The following CORO1C variants were observed in gnomAD, a reference collection of about 807,000 sequenced individuals.
The protein encoded by CORO1C is coronin 1C.
In CORO1C, 14 loss-of-function variants were observed where a neutral mutation model predicts 51.2. The observed-to-expected ratio is 0.27, with a 90% CI of 0.18 to 0.43. The LOEUF (loss-of-function observed/expected upper bound fraction) is 0.43, where lower values mean the gene tolerates loss of function less well. Among genes scored for constraint, CORO1C ranks in the 20% least tolerant of loss-of-function variants. The probability of loss-of-function intolerance (pLI) is 1.00; values close to 1 mark genes in which losing one functional copy is unlikely to be tolerated. For missense variants in CORO1C, 417 were observed against 607.8 expected, an observed-to-expected ratio of 0.69 and a Z score of 3.30; for synonymous variants, 181 against 210.5, an observed-to-expected ratio of 0.86 and a Z score of 1.21.
intron 2 of CORO1C, among the ~76,000 whole-genome samples, chr12:108,678,750 G>C (rs1015762023): frequency 6.7e-6 from 1 of 149,046 alleles, no homozygotes; most frequent in African/African-American, 2.5e-5. Flanking sequence ...CTAAACCTTG[G>C]TATTATTCAA....
chr12:108,656,858 G>GTTAA (rs1374887585), intron 6 of CORO1C, among the ~76,000 whole-genome samples: 10 of 152,112 alleles, frequency 6.6e-5, no homozygotes, highest in Non-Finnish European at 1.5e-4. Flanking sequence ...CAGCATGCTC[G>GTTAA]TTAAGAGTCA....
intron 2 of CORO1C, among the ~76,000 whole-genome samples, chr12:108,695,958 T>C (rs2034665892): frequency 6.6e-6 from 1 of 151,922 alleles, no homozygotes; most frequent in Non-Finnish European, 1.5e-5. Context: ...TGAAAAATTG[T>C]TCACAGACAT....
At chr12:108,706,450 G>C (rs1229419174) in intron 1 of CORO1C, among the ~76,000 whole-genome samples, 3 of 152,240 alleles carry the variant, frequency 2.0e-5, no homozygotes, top group African/African-American at 7.2e-5. Context: ...CAAGAAAAAG[G>C]AGTAAGAGAC....
At chr12:108,707,285 C>T (rs994228223) in intron 1 of CORO1C, among the ~76,000 whole-genome samples, 1 of 152,168 alleles carries the variant, frequency 6.6e-6, no homozygotes, top group African/African-American at 2.4e-5. Flanking sequence ...TCAAAACTTA[C>T]CTCACTACAA....
chr12:108,726,580 T>C (rs1226454447), intron 1 of CORO1C, among the ~76,000 whole-genome samples: 1 of 150,130 alleles, frequency 6.7e-6, no homozygotes, highest in Admixed American at 6.6e-5. Context: ...GAGGCTAAGG[T>C]AGGAGACTTG....
chr12:108,682,802 G>A (rs1390483725), intron 2 of CORO1C, among the ~76,000 whole-genome samples: 1 of 152,018 alleles, frequency 6.6e-6, no homozygotes, highest in East Asian at 1.9e-4. Flanking sequence ...ATACCAAGGA[G>A]TCAATAGCAG....
intron 8 of CORO1C, among the ~76,000 whole-genome samples, chr12:108,649,870 C>T (rs1235764932): frequency 6.6e-6 from 1 of 152,110 alleles, no homozygotes; most frequent in Non-Finnish European, 1.5e-5. Flanking sequence ...TGAATGTGGG[C>T]GTCAATGCTG....
At chr12:108,664,838 A>G (rs2033411509) in intron 3 of CORO1C, among the ~76,000 whole-genome samples, 1 of 152,258 alleles carries the variant, frequency 6.6e-6, no homozygotes, top group South Asian at 2.1e-4. Flanking sequence ...TGAACAGAAC[A>G]AACAGAAAAC....
chr12:108,664,604 G>C (rs1188275603), intron 3 of CORO1C, among the ~76,000 whole-genome samples: 3 of 152,148 alleles, frequency 2.0e-5, no homozygotes, highest in Non-Finnish European at 4.4e-5. Context: ...GTGTGAACAA[G>C]CATAGAAGGA....
At chr12:108,710,368 T>C (rs1251634537) in intron 1 of CORO1C, among the ~76,000 whole-genome samples, 7 of 152,130 alleles carry the variant, frequency 4.6e-5, no homozygotes, top group African/African-American at 1.7e-4. Context: ...TTTACTTTCT[T>C]AATAAACTTG....
At chr12:108,694,838 A>G (rs1011608277) in intron 2 of CORO1C, among the ~76,000 whole-genome samples, 5 of 152,234 alleles carry the variant, frequency 3.3e-5, no homozygotes, top group African/African-American at 1.2e-4. Context: ...CAAAACTACC[A>G]GAAAGCCTTT....
At position 108,645,576 on chromosome 12, in the gene CORO1C, TA is replaced by T. The variant is rs1243159878; in HGVS notation, c.*1826del. 2 of 152,190 alleles carry T rather than the reference TA, an allele frequency of 1.3e-5. No individual in the cohort carries two copies. The highest frequency in any genetic ancestry group is 2.9e-5 in the Non-Finnish European group (2 of 68,032). 9.4% of individuals were successfully genotyped at this position (152,190 alleles called of 1,614,324 possible). On this transcript the variant is annotated 3_prime_UTR_variant, in exon 11 of 11. Coordinates refer to ENST00000261401, the MANE Select transcript of CORO1C (RefSeq NM_014325.4). The stretch of plus-strand genomic sequence containing the variant: ...TACATCTCATGATCCACTTCAATAT[TA>T]AACACATACATACACACACACAAAA...
Position 108,657,406 on chromosome 12 carries a change from A to G in CORO1C, c.648T>C (p.His216=). 1.2e-6 allele frequency: 2 copies of G among 1,613,004 alleles called. No homozygotes were observed. The highest frequency in any genetic ancestry group is 1.7e-6 in the Non-Finnish European group (2 of 1,179,398). ...TGGCTCTCATGGGTCTTGCTCCTTC[A>G]TGTGCTTTCTCCTTCTCCTGGAGAG... ...QEIVAEKEKA[H]EGARPMRAIF... Residue 216 remains histidine (H), a synonymous_variant, in exon 6 of 11, where the codon CAT becomes CAC. Coordinates refer to ENST00000261401, the MANE Select transcript of CORO1C (RefSeq NM_014325.4).
chr12:108,713,450 G>T (rs1177401596), intron 1 of CORO1C, among the ~76,000 whole-genome samples: 1 of 152,138 alleles, frequency 6.6e-6, no homozygotes, highest in Non-Finnish European at 1.5e-5. Flanking sequence ...CCAGGTAACA[G>T]GTAAGATGCC....
At chr12:108,705,562 C>T (rs1326455615) in intron 1 of CORO1C, among the ~76,000 whole-genome samples, 1 of 150,462 alleles carries the variant, frequency 6.6e-6, no homozygotes, top group Non-Finnish European at 1.5e-5. Context: ...TTAAAAAATA[C>T]CAAGTACTCA....
chr12:108,670,071 G>T (rs796445504), intron 3 of CORO1C, among the ~76,000 whole-genome samples: 8 of 152,220 alleles, frequency 5.3e-5, no homozygotes, highest in African/African-American at 1.9e-4. Context: ...CATTTTTTGG[G>T]GGTTTTTCCG....
chr12:108,655,212 T>TA (rs1175977275), intron 6 of CORO1C, among the ~76,000 whole-genome samples: 1 of 152,186 alleles, frequency 6.6e-6, no homozygotes, highest in African/African-American at 2.4e-5. Flanking sequence ...TTTCCCCACT[T>TA]AAGCTAATTA....
intron 1 of CORO1C, among the ~76,000 whole-genome samples, chr12:108,704,986 G>A (rs1282715778): frequency 6.6e-6 from 1 of 152,148 alleles, no homozygotes; most frequent in Non-Finnish European, 1.5e-5. Flanking sequence ...GGTGGCAGGA[G>A]ATTCTTATGC....
At position 108,675,856 on chromosome 12, in the gene CORO1C, C is replaced by T. The variant is rs539026818; in HGVS notation, c.318+2416G>A. Among the ~76,000 whole-genome samples the T allele has an allele frequency of 2.6e-5, 4 of 152,230 alleles. No individual in the cohort carries two copies. The East Asian group carries it at 7.7e-4, about 29-fold the overall frequency. On this transcript the variant is annotated intron_variant, in intron 3 of 10. Transcript: ENST00000261401. Reference sequence around the variant, plus strand: ...ATATAGTCTAGCCAAAAGGACAGAACCTGAATCTGACCGCACTTCAGGTTC... The same window carrying T: ...ATATAGTCTAGCCAAAAGGACAGAATCTGAATCTGACCGCACTTCAGGTTC...
Sources: allele counts gnomAD v4.1 joint callset (sites outside exome capture counted in the v4.1 genomes callset), GRCh38; gene constraint gnomAD v4.1.1; transcripts MANE v1.5; gene names NCBI Gene and HGNC (gene_info 2026-07-23, HGNC 2026-07-21).